Variants in HTR1F observed in about 807,000 individuals in gnomAD.
The protein encoded by HTR1F is 5-hydroxytryptamine receptor 1F.
Under a neutral mutation model 24.0 loss-of-function variants are expected in HTR1F, and 17 were observed. The observed-to-expected ratio is 0.71, with a 90% CI of 0.48 to 1.06. HTR1F has a LOEUF of 1.06. Among genes scored for constraint, HTR1F ranks in the 50% least tolerant of loss-of-function variants. HTR1F has a pLI of 0.00. For synonymous variants in HTR1F, 186 were observed against 156.8 expected, an observed-to-expected ratio of 1.19 and a Z score of -1.39; for missense variants, 391 against 427.8, an observed-to-expected ratio of 0.91 and a Z score of 0.76.
chr3:87,809,352 CCTT>C (rs1350602055), intron 1 of HTR1F, among the ~76,000 whole-genome samples: 2 of 151,858 alleles, frequency 1.3e-5, no homozygotes, highest in Non-Finnish European at 2.9e-5. Context: ...AATTAAGCCT[CCTT>C]CTTCAACTCA....
At chr3:87,867,271 C>T (rs1386532626) in intron 2 of HTR1F, among the ~76,000 whole-genome samples, 4 of 151,810 alleles carry the variant, frequency 2.6e-5, no homozygotes, top group African/African-American at 9.7e-5. Flanking sequence ...GTAGTAATAA[C>T]AGCAAGTTCT....
intron 2 of HTR1F, among the ~76,000 whole-genome samples, chr3:87,896,308 C>A (rs1283802162): frequency 2.0e-5 from 3 of 152,190 alleles, no homozygotes; most frequent in Non-Finnish European, 4.4e-5. Flanking sequence ...CCTAACCAGG[C>A]TTCAGAAAAG....
At chr3:87,884,838 G>A (rs566682384) in intron 2 of HTR1F, among the ~76,000 whole-genome samples, 4 of 152,046 alleles carry the variant, frequency 2.6e-5, no homozygotes, top group Non-Finnish European at 4.4e-5. Flanking sequence ...GAGCACTCAG[G>A]TTCATAAAGA....
chr3:87,895,533 C>T (rs544151421), intron 2 of HTR1F, among the ~76,000 whole-genome samples: 119 of 152,138 alleles, frequency 7.8e-4, no homozygotes, highest in South Asian at 2.1e-3. Flanking sequence ...TTATCTTTCT[C>T]TTCAAAAGAA....
chr3:87,914,931 C>T (rs1388756868), intron 2 of HTR1F, among the ~76,000 whole-genome samples: 1 of 152,134 alleles, frequency 6.6e-6, no homozygotes, highest in African/African-American at 2.4e-5. Flanking sequence ...AGAACCCTCA[C>T]AGAGTCTATT....
At chr3:87,896,662 A>G (rs569272548) in intron 2 of HTR1F, among the ~76,000 whole-genome samples, 1 of 152,326 alleles carries the variant, frequency 6.6e-6, no homozygotes, top group East Asian at 1.9e-4. Flanking sequence ...GTGTTTGCAA[A>G]TCATATATCT....
chr3:87,804,287 A>G (rs1006721062), intron 1 of HTR1F, among the ~76,000 whole-genome samples: 1 of 152,178 alleles, frequency 6.6e-6, no homozygotes, highest in African/African-American at 2.4e-5. Flanking sequence ...AGAATAAAAT[A>G]AAAGCTAGGC....
At chr3:87,910,383 A>G (rs1226227111) in intron 2 of HTR1F, 1 of 152,054 alleles carries the variant, frequency 6.6e-6, no homozygotes, top group Non-Finnish European at 1.5e-5. Flanking sequence ...AAAGACAATT[A>G]CATAACAGTA....
chr3:87,801,316 A>G (rs1405163430), intron 1 of HTR1F, among the ~76,000 whole-genome samples: 1 of 152,148 alleles, frequency 6.6e-6, no homozygotes, highest in African/African-American at 2.4e-5. Context: ...GTGTAGTAGC[A>G]CACTTATAGT....
chr3:87,899,747 C>A (rs983300348), intron 2 of HTR1F, among the ~76,000 whole-genome samples: 8 of 152,014 alleles, frequency 5.3e-5, no homozygotes, highest in Admixed American at 6.6e-5. Flanking sequence ...TGCCTGTAAT[C>A]CCAGCTACTC....
intron 2 of HTR1F, among the ~76,000 whole-genome samples, chr3:87,969,284 C>T (rs1384143073): frequency 2.0e-5 from 3 of 152,178 alleles, no homozygotes; most frequent in African/African-American, 7.2e-5. Context: ...ACAGCTTGCG[C>T]CTGTGTGCCA....
intron 2 of HTR1F, among the ~76,000 whole-genome samples, chr3:87,906,513 A>G (rs1447366295): frequency 6.6e-6 from 1 of 152,050 alleles, no homozygotes; most frequent in Admixed American, 6.6e-5. Flanking sequence ...AACTGTAGTT[A>G]ATGAAAATTT....
intron 2 of HTR1F, among the ~76,000 whole-genome samples, chr3:87,952,901 A>C (rs184667406): frequency 9.0e-4 from 137 of 151,872 alleles, no homozygotes; most frequent in African/African-American, 3.2e-3. Context: ...AAGGACACAT[A>C]AAAGTTACCT....
At position 87,993,313 on chromosome 3, in the gene HTR1F, A is replaced by G. The variant is rs1208858989; in HGVS notation, c.*1463A>G. ...CCCATTTTATACAAGGCATTGAGACATATACTAGATAGAAGATATACGAAA... is the reference window on the plus strand; with the variant it reads ...CCCATTTTATACAAGGCATTGAGACGTATACTAGATAGAAGATATACGAAA... On this transcript the variant is annotated 3_prime_UTR_variant, in exon 3 of 3. Coordinates refer to ENST00000319595, the MANE Select transcript of HTR1F (RefSeq NM_001322209.2). The G allele has an allele frequency of 1.8e-5, 3 of 166,160 alleles. No individual in the cohort carries two copies. The highest frequency in any genetic ancestry group is 4.4e-5 in the Non-Finnish European group (3 of 67,998). The allele number at this position is 166,160 out of a possible 1,614,324, so 10.3% of individuals were successfully genotyped here.
At chr3:87,887,261 T>C (rs1279212213) in intron 2 of HTR1F, among the ~76,000 whole-genome samples, 3 of 152,180 alleles carry the variant, frequency 2.0e-5, no homozygotes, top group Non-Finnish European at 4.4e-5. Context: ...CTGGGAAAAC[T>C]GGCTAGCCAT....
At chr3:87,933,528 A>G (rs1207143868) in intron 2 of HTR1F, among the ~76,000 whole-genome samples, 2 of 152,078 alleles carry the variant, frequency 1.3e-5, no homozygotes, top group African/African-American at 2.4e-5. Context: ...AAATCAATGT[A>G]CAAAAATCAC....
intron 2 of HTR1F, among the ~76,000 whole-genome samples, chr3:87,942,251 C>A (rs1043741601): frequency 4.6e-5 from 7 of 152,090 alleles, no homozygotes; most frequent in Non-Finnish European, 7.4e-5. Context: ...GAGTAAAGTT[C>A]CCCAGTCACA....
At chr3:87,880,994 A>C (rs1705781579) in intron 2 of HTR1F, among the ~76,000 whole-genome samples, 1 of 152,220 alleles carries the variant, frequency 6.6e-6, no homozygotes, top group African/African-American at 2.4e-5. Context: ...TCCAGTCTGC[A>C]GTTCCCAGTG....
At chr3:87,875,976 T>C (rs1309823278) in intron 2 of HTR1F, among the ~76,000 whole-genome samples, 1 of 146,620 alleles carries the variant, frequency 6.8e-6, no homozygotes, top group Non-Finnish European at 1.5e-5. Flanking sequence ...TCCTAAGTAA[T>C]ACAAATAACC....
Sources: gnomAD v4.1 joint callset for allele counts (sites outside exome capture counted in the v4.1 genomes callset) on GRCh38, gnomAD v4.1.1 for gene constraint, MANE v1.5 for transcripts, NCBI Gene and HGNC (gene_info 2026-07-23, HGNC 2026-07-21) for gene names.